TLN2: variants seen among roughly 807,000 people sequenced by gnomAD.
TLN2 encodes the protein talin-2.
TLN2 carries 118 observed loss-of-function variants against 294.7 expected under a neutral mutation model. The observed-to-expected ratio is 0.40, with a 90% CI of 0.34 to 0.47. The LOEUF (loss-of-function observed/expected upper bound fraction) is 0.47. Among genes scored for constraint, TLN2 ranks in the 20% least tolerant of loss-of-function variants. The pLI, the probability that TLN2 is intolerant of heterozygous loss-of-function variation, is 0.84. For missense variants in TLN2, 3,083 were observed against 3,282.2 expected (o/e 0.94, Z 1.48); for synonymous variants, 1,431 against 1,304.5 (o/e 1.10, Z -2.09).
chr15:62,558,321 G>A (rs2042719908), intron 1 of TLN2, among the ~76,000 whole-genome samples: 2 of 152,142 alleles, frequency 1.3e-5, no homozygotes, highest in African/African-American at 2.4e-5. Flanking sequence ...GGTCAGTTGT[G>A]TGCATGTCTT....
chr15:62,719,293 G>A (rs955916468), intron 24 of TLN2, among the ~76,000 whole-genome samples: 1 of 152,190 alleles, frequency 6.6e-6, no homozygotes, highest in African/African-American at 2.4e-5. Flanking sequence ...AGGGGCCATG[G>A]CAACACAAAG....
In TLN2 at chr15:62,581,413, C is replaced by T. The variant is rs548850502; in HGVS notation, c.-237-8274C>T. Among the ~76,000 whole-genome samples the T allele has an allele frequency of 2.9e-3, 439 of 152,150 alleles. 2 individuals carry two copies. The highest frequency in any genetic ancestry group is 4.9e-3 in the Non-Finnish European group (335 of 68,000). On this transcript the variant is annotated intron_variant, in intron 1 of 58. Coordinates refer to ENST00000636159, the MANE Select transcript of TLN2 (RefSeq NM_015059.3). ...TTACTGGAACCTCTCATTCTGTTTT[C>T]CCAAAAGAAAAACTCAAGTAGTTGA... is the stretch of plus-strand genomic sequence containing the variant.
intron 1 of TLN2, among the ~76,000 whole-genome samples, chr15:62,549,096 A>G (rs530756775): frequency 6.6e-6 from 1 of 152,288 alleles, no homozygotes; most frequent in South Asian, 2.1e-4. Flanking sequence ...AGGACTGTAC[A>G]TGTAGAGTCA....
At position 62,692,987 on chromosome 15, in the gene TLN2, A is replaced by G. The variant is rs371847170; in HGVS notation, c.1215+46A>G. 22 of 1,538,918 alleles carry G rather than the reference A, an allele frequency of 1.4e-5. No homozygotes were observed. In the African/African-American group the frequency reaches 2.9e-4, roughly 20 times the overall value. On this transcript the variant is annotated intron_variant, in intron 13 of 58. Transcript: ENST00000636159. ...TTGGAAAAGCAAGACGGCTTTATTA[A>G]AAGGCTTGGTTTCGATGACGTGGCT... is the stretch of plus-strand genomic sequence containing the variant.
Position 62,841,202 on chromosome 15 carries a change from C to T in TLN2, c.*592C>T, listed in dbSNP as rs1265621809. On this transcript the variant is annotated 3_prime_UTR_variant, in exon 59 of 59. Transcript: ENST00000636159. ...ACGCTTTCTTGCCTCCGTGTGTAAG[C>T]TCCTTGTACAACCCAGACCCATCTT... is the stretch of plus-strand genomic sequence containing the variant. 2 of 152,840 alleles carry T rather than the reference C, an allele frequency of 1.3e-5. No individual in the cohort carries two copies. The highest frequency in any genetic ancestry group is 2.9e-5 in the Non-Finnish European group (2 of 68,218). The allele number at this position is 152,840 out of a possible 1,614,324, so 9.5% of individuals were successfully genotyped here.
intron 45 of TLN2, among the ~76,000 whole-genome samples, chr15:62,789,536 C>G (rs1379783555): frequency 1.3e-5 from 2 of 152,114 alleles, no homozygotes; most frequent in Non-Finnish European, 2.9e-5. Context: ...TGGGGTGGCA[C>G]TAAGGGAACA....
At chr15:62,403,063 C>G (rs1174181516) in intron 1 of TLN2, among the ~76,000 whole-genome samples, 1 of 152,116 alleles carries the variant, frequency 6.6e-6, no homozygotes, top group African/African-American at 2.4e-5. Flanking sequence ...CATGGTGAAA[C>G]CCCGTCTCTA....
intron 32 of TLN2, among the ~76,000 whole-genome samples, chr15:62,744,590 A>G (rs1239392414): frequency 1.3e-5 from 2 of 151,938 alleles, no homozygotes; most frequent in African/African-American, 4.8e-5. Context: ...TCCGTCGCCC[A>G]GGCTGGAGTG....
intron 19 of TLN2, among the ~76,000 whole-genome samples, chr15:62,706,617 G>C (rs1429714136): frequency 6.6e-6 from 1 of 152,200 alleles, no homozygotes; most frequent in Non-Finnish European, 1.5e-5. Flanking sequence ...TTGGATCTTT[G>C]TGCAAAGTAG....
Position 62,538,690 on chromosome 15 carries a change from C to T in TLN2, c.-237-50997C>T, listed in dbSNP as rs185043131. On this transcript the variant is annotated intron_variant, in intron 1 of 58. Coordinates refer to ENST00000636159, the MANE Select transcript of TLN2 (RefSeq NM_015059.3). ...GGAGGCAAAAAGAAGTTAGTTGTAC[C>T]TGTAAATTAGAATGTTAAATTCTCC... Among the ~76,000 whole-genome samples the T allele has an allele frequency of 2.1e-3, 322 of 152,208 alleles. 1 individual carries two copies. Among genetic ancestry groups the T allele is most frequent in the Middle Eastern group, 0.014 (4 of 294 alleles).
rs534914159 is a variant in TLN2, at chr15:62,544,176, T to C, written c.-237-45511T>C. On this transcript the variant is annotated intron_variant, in intron 1 of 58. Coordinates refer to ENST00000636159, the MANE Select transcript of TLN2 (RefSeq NM_015059.3). ...ATGTTCATCCAAATTTCAGATTCCT[T>C]AAAAATGATATTTCTTGTTTCTCCA... Among the ~76,000 whole-genome samples the C allele has an allele frequency of 3.9e-5, 6 of 152,340 alleles. No individual in the cohort carries two copies. The South Asian group carries it at 8.3e-4, about 21-fold the overall frequency.
intron 22 of TLN2, among the ~76,000 whole-genome samples, chr15:62,715,168 G>A (rs1034868981): frequency 1.3e-5 from 2 of 152,222 alleles, no homozygotes; most frequent in South Asian, 2.1e-4. Flanking sequence ...TACCACAGCT[G>A]TTAAAACTAT....
At chr15:62,653,034 C>G in intron 6 of TLN2, 128 bp from the exon 7 acceptor site, 1 of 680,678 alleles carries the variant, frequency 1.5e-6, no homozygotes, top group Non-Finnish European at 2.3e-6. Context: ...CTCCCTGACC[C>G]TCATATTTGT....
chr15:62,652,174 T>A, intron 6 of TLN2, 40 bp downstream of exon 6: 1 of 1,474,468 alleles, frequency 6.8e-7, no homozygotes. Context: ...TTTTGCTTAG[T>A]TTTTAATTAC....
At chr15:62,460,844 C>T (rs1312170868) in intron 1 of TLN2, among the ~76,000 whole-genome samples, 1 of 152,154 alleles carries the variant, frequency 6.6e-6, no homozygotes, top group Non-Finnish European at 1.5e-5. Flanking sequence ...CAGGAAATAA[C>T]CTGATCAGTA....
chr15:62,631,570 TC>T (rs889044933), intron 3 of TLN2, among the ~76,000 whole-genome samples: 15 of 145,274 alleles, frequency 1.0e-4, no homozygotes, highest in Non-Finnish European at 1.4e-4. Context: ...TCCTTTCCTT[TC>T]CTTTCTTTCT....
rs1055431248 is a variant in TLN2, at chr15:62,722,363, A to G, written c.3002A>G (p.Lys1001Arg). ...TTCATCTCTCTATAGCCTGGAAGCA[A>G]GATGGTGTCCTCTGCCAAAGCCGCA... is the stretch of plus-strand genomic sequence containing the variant. Reference protein sequence around the residue: ...SSQNFLQPGSKMVSSAKAAVP... With the variant: ...SSQNFLQPGSRMVSSAKAAVP... Residue 1001 changes from lysine (K) to arginine (R), a missense_variant, in exon 26 of 59, where the codon AAG becomes AGG. By Grantham distance (26) the Lys-to-Arg change is conservative. Coordinates refer to ENST00000636159, the MANE Select transcript of TLN2 (RefSeq NM_015059.3). 3 of 1,609,282 alleles carry G rather than the reference A, an allele frequency of 1.9e-6. No individual in the cohort carries two copies. The highest frequency in any genetic ancestry group is 2.6e-6 in the Non-Finnish European group (3 of 1,176,446).
intron 9 of TLN2, among the ~76,000 whole-genome samples, chr15:62,665,147 C>G (rs991338335): frequency 6.6e-6 from 1 of 152,070 alleles, no homozygotes; most frequent in Non-Finnish European, 1.5e-5. Context: ...ATCTTAGCCT[C>G]CACCTCTCTG....
In TLN2 at chr15:62,836,000, C is replaced by T; in HGVS notation, c.7301C>T (p.Ala2434Val). 3.1e-6 allele frequency: 5 copies of T among 1,613,702 alleles called. No homozygotes were observed. The South Asian group carries it at 5.5e-5, about 18-fold the overall frequency. ...KLISSAKQVA[A>V]STAQLLVACK... ...ATCTCATCTGCCAAGCAGGTCGCCG[C>T]TTCCACGGCTCAGCTGCTGGTGGCC... is the stretch of plus-strand genomic sequence containing the variant. Residue 2434 changes from alanine (A) to valine (V), a missense_variant, in exon 57 of 59, where the codon GCT (alanine) becomes GTT (valine). Transcript: ENST00000636159.
Sources: gnomAD v4.1 joint callset for allele counts (sites outside exome capture counted in the v4.1 genomes callset) on GRCh38, gnomAD v4.1.1 for gene constraint, MANE v1.5 for transcripts, NCBI Gene and HGNC (gene_info 2026-07-23, HGNC 2026-07-21) for gene names.